Variants in SCOC observed in about 807,000 individuals in gnomAD.
SCOC encodes short coiled coil protein.
Under a neutral mutation model 9.9 loss-of-function variants are expected in SCOC, and 7 were observed. The ratio of observed to expected loss-of-function variants is 0.71; its 90% confidence interval spans 0.40 to 1.33. The LOEUF (loss-of-function observed/expected upper bound fraction) is 1.33. SCOC is among the 40% of genes most tolerant of loss of function. The pLI is 0.01. For missense variants in SCOC, 66 were observed against 89.7 expected (o/e 0.74, Z 1.07); for synonymous variants, 19 against 28.2 (o/e 0.67, Z 1.03).
intron 1 of SCOC, among the ~76,000 whole-genome samples, chr4:140,324,830 AT>A (rs1482841176): frequency 1.3e-5 from 2 of 152,110 alleles, no homozygotes; most frequent in Admixed American, 1.3e-4. Flanking sequence ...TGACAAGCTA[AT>A]TTTTAAACTT....
At position 140,383,806 on chromosome 4, in the gene SCOC, T is replaced by A. The variant is rs543377054; in HGVS notation, c.*2702T>A. The A allele has an allele frequency of 6.6e-6, 1 of 152,360 alleles. No homozygotes were observed. The highest frequency in any genetic ancestry group is 2.1e-4 in the South Asian group (1 of 4,830). The allele number at this position is 152,360 out of a possible 1,614,324, so 9.4% of individuals were successfully genotyped here. The stretch of plus-strand genomic sequence containing the variant: ...GCCTTTTTATCAGTGTGCTTCTGAT[T>A]GCATATGCCGAGGAACCACAACCAA... On this transcript the variant is annotated 3_prime_UTR_variant, in exon 4 of 4. Transcript: ENST00000608372.
At chr4:140,366,997 G>A in intron 2 of SCOC, 1 of 414,982 alleles carries the variant, frequency 2.4e-6, no homozygotes, top group South Asian at 2.4e-5. Flanking sequence ...CTTGAGGTCA[G>A]GAGTTTGAGA....
chr4:140,382,640 T>C lies in SCOC; in HGVS notation c.*1536T>C, dbSNP rs974798133. On this transcript the variant is annotated 3_prime_UTR_variant, in exon 4 of 4. Coordinates refer to ENST00000608372, the MANE Select transcript of SCOC (RefSeq NM_001153484.2). ...AGGGTTATTCAATGCCACAGAATAG[T>C]GTATCTTATTTAAGTACCCAGTTAC... The C allele has an allele frequency of 6.6e-6, 1 of 152,650 alleles. No homozygotes were observed. The highest frequency in any genetic ancestry group is 6.5e-5 in the Admixed American group (1 of 15,274). The allele number at this position is 152,650 out of a possible 1,614,324, so 9.5% of individuals were successfully genotyped here. A position where few individuals can be genotyped will look rare whatever the true frequency, so the allele number is the denominator to read the frequency against.
intron 1 of SCOC, among the ~76,000 whole-genome samples, chr4:140,261,493 C>G (rs184017710): frequency 2.0e-5 from 3 of 152,238 alleles, no homozygotes; most frequent in Non-Finnish European, 4.4e-5. Context: ...CTTCCCCATT[C>G]ATTTGGGTCC....
chr4:140,278,192 G>A (rs535403305), intron 1 of SCOC, among the ~76,000 whole-genome samples: 1 of 152,280 alleles, frequency 6.6e-6, no homozygotes, highest in South Asian at 2.1e-4. Flanking sequence ...TCAAGGACTA[G>A]GACTCAAGAT....
At chr4:140,291,485 A>G (rs1306290054) in intron 1 of SCOC, 1 of 457,326 alleles carries the variant, frequency 2.2e-6, no homozygotes, top group South Asian at 1.5e-5. Flanking sequence ...TAATGGATCC[A>G]TATGCCATTC....
chr4:140,362,188 A>ATTTGCTTCACTGCGG (rs1490037919), intron 2 of SCOC, among the ~76,000 whole-genome samples: 2 of 106,098 alleles, frequency 1.9e-5, no homozygotes, highest in African/African-American at 6.4e-5. Context: ...CTTCACTGCG[A>ATTTGCTTCACTGCGG]TGAGTGTTAC....
In SCOC at chr4:140,326,648, C is replaced by T. The variant is rs535598402; in HGVS notation, c.-18-16973C>T. Among the ~76,000 whole-genome samples the T allele has an allele frequency of 1.3e-3, 198 of 152,152 alleles. 1 individual carries two copies. Among genetic ancestry groups the T allele is most frequent in the African/African-American group, 4.6e-3 (191 of 41,526 alleles). On this transcript the variant is annotated intron_variant, in intron 1 of 4. Transcript: ENST00000394205. ...CTCAAATGAGTTATAGGCAGACCCCCCCCCCTACACTGTTAGGGAGAAAAC... is the reference window on the plus strand; with the variant it reads ...CTCAAATGAGTTATAGGCAGACCCCTCCCCCTACACTGTTAGGGAGAAAAC...
intron 1 of SCOC, among the ~76,000 whole-genome samples, chr4:140,274,581 T>G (rs1214532881): frequency 1.3e-5 from 2 of 152,214 alleles, no homozygotes; most frequent in Non-Finnish European, 2.9e-5. Flanking sequence ...TCTCCCTCCC[T>G]TCAGCCAGCA....
chr4:140,261,547 G>T lies in SCOC; in HGVS notation c.-19+4137G>T, dbSNP rs116317259. ...CAACAGAAAAGGCTGAGTGCCCTCTGCATTCATGAAATATTTAGTGAGTAC... is the reference window on the plus strand; with the variant it reads ...CAACAGAAAAGGCTGAGTGCCCTCTTCATTCATGAAATATTTAGTGAGTAC... On this transcript the variant is annotated intron_variant, in intron 1 of 4. Coordinates refer to the SCOC transcript ENST00000394205. Among the ~76,000 whole-genome samples the T allele has an allele frequency of 5.4e-3, 820 of 152,274 alleles. 8 individuals are homozygous for T. Among genetic ancestry groups the T allele is most frequent in the African/African-American group, 0.018 (754 of 41,534 alleles).
chr4:140,316,546 C>T (rs181402516), intron 1 of SCOC, among the ~76,000 whole-genome samples: 43 of 152,198 alleles, frequency 2.8e-4, no homozygotes, highest in Non-Finnish European at 5.0e-4. Context: ...AAAACATACA[C>T]GTAGACCAAA....
intron 1 of SCOC, among the ~76,000 whole-genome samples, chr4:140,269,719 A>G (rs1333869687): frequency 1.3e-5 from 2 of 152,108 alleles, no homozygotes; most frequent in Non-Finnish European, 2.9e-5. Flanking sequence ...CATATTCCTA[A>G]CTAGACAAGT....
intron 1 of SCOC, among the ~76,000 whole-genome samples, chr4:140,271,758 T>G (rs1316970576): frequency 6.6e-6 from 1 of 152,164 alleles, no homozygotes; most frequent in Non-Finnish European, 1.5e-5. Flanking sequence ...AGCACTCACA[T>G]TGTCCCAGGC....
At chr4:140,369,456 C>G (rs1316650355), upstream of SCOC, 5 of 276,522 alleles carry the variant, frequency 1.8e-5, no homozygotes, top group East Asian at 5.3e-4. Context: ...AGACAACACA[C>G]CTGGTTATAC....
intron 1 of SCOC, among the ~76,000 whole-genome samples, chr4:140,264,305 A>G (rs1371326764): frequency 6.6e-6 from 1 of 152,104 alleles, no homozygotes; most frequent in East Asian, 1.9e-4. Flanking sequence ...GACTGGAAGG[A>G]AGTGGTGGTT....
At chr4:140,285,237 C>A (rs756687965) in intron 1 of SCOC, 1 of 456,694 alleles carries the variant, frequency 2.2e-6, no homozygotes, top group Non-Finnish European at 4.4e-6. Flanking sequence ...TCCCTGCAAT[C>A]GACATATCCT....
chr4:140,338,434 G>A (rs549538851), intron 1 of SCOC, among the ~76,000 whole-genome samples: 3 of 152,250 alleles, frequency 2.0e-5, no homozygotes, highest in African/African-American at 7.2e-5. Flanking sequence ...ACATAGTGTT[G>A]TAAGTTCTGG....
intron 1 of SCOC, among the ~76,000 whole-genome samples, chr4:140,287,466 A>G (rs1003534465): frequency 6.6e-6 from 1 of 151,752 alleles, no homozygotes. Flanking sequence ...CATGCTACAC[A>G]CACATCATGT....
At chr4:140,307,581 T>G (rs1732029346) in intron 1 of SCOC, among the ~76,000 whole-genome samples, 1 of 152,178 alleles carries the variant, frequency 6.6e-6, no homozygotes, top group Non-Finnish European at 1.5e-5. Context: ...ACAAAGATCC[T>G]CTATTGTTGT....
Sources: gnomAD v4.1 joint callset for allele counts (sites outside exome capture counted in the v4.1 genomes callset) on GRCh38, gnomAD v4.1.1 for gene constraint, MANE v1.5 for transcripts, NCBI Gene and HGNC (gene_info 2026-07-23, HGNC 2026-07-21) for gene names.